MKLN1: variants seen among roughly 807,000 people sequenced by gnomAD.
The protein encoded by MKLN1 is muskelin.
MKLN1 carries 18 observed loss-of-function variants against 99.0 expected under a neutral mutation model. That is an observed-to-expected ratio of 0.18 (90% CI 0.13 to 0.27). The LOEUF (loss-of-function observed/expected upper bound fraction) is 0.27. MKLN1 is among the 10% of genes least tolerant of loss of function. MKLN1 has a pLI of 1.00. For missense variants in MKLN1, 621 were observed against 875.9 expected, an observed-to-expected ratio of 0.71 and a Z score of 3.67; for synonymous variants, 288 against 293.2, an observed-to-expected ratio of 0.98 and a Z score of 0.18.
At chr7:131,111,584 G>A (rs1795200508) in intron 1 of MKLN1, among the ~76,000 whole-genome samples, 1 of 151,960 alleles carries the variant, frequency 6.6e-6, no homozygotes, top group South Asian at 2.1e-4. Context: ...TAATTCCTGT[G>A]GAAAACGTCA....
rs201094436 is a variant in MKLN1, at chr7:131,327,882, C to A, written c.-18C>A. 2.7e-5 allele frequency: 44 copies of A among 1,609,302 alleles called. No individual in the cohort carries two copies. In the African/African-American group the frequency reaches 4.0e-4, roughly 15 times the overall value. ...TTCGCTGCCAGCGGTCGGTGGCGGC[C>A]GCTACGGTGCTGACAAGATGGCGGC... On this transcript the variant is annotated 5_prime_UTR_variant, in exon 1 of 18. Transcript: ENST00000352689.
At chr7:131,163,233 A>C (rs567298755) in intron 2 of MKLN1, among the ~76,000 whole-genome samples, 2 of 152,350 alleles carry the variant, frequency 1.3e-5, no homozygotes, top group African/African-American at 4.8e-5. Context: ...TCATATCTTC[A>C]TTGTAGAGCA....
At chr7:131,338,270 C>T (rs1049642969) in intron 1 of MKLN1, among the ~76,000 whole-genome samples, 1 of 152,228 alleles carries the variant, frequency 6.6e-6, no homozygotes, top group Admixed American at 6.5e-5. Flanking sequence ...TCTGTGCCTT[C>T]TTTCACTAGG....
chr7:131,357,030 T>C (rs1283388198), intron 1 of MKLN1, among the ~76,000 whole-genome samples: 7 of 152,202 alleles, frequency 4.6e-5, no homozygotes, highest in Non-Finnish European at 1.0e-4. Flanking sequence ...AGAAACCAAG[T>C]GCCAGTTACC....
At chr7:131,122,879 C>T (rs1795394491) in intron 1 of MKLN1, among the ~76,000 whole-genome samples, 2 of 151,936 alleles carry the variant, frequency 1.3e-5, no homozygotes, top group African/African-American at 4.8e-5. Flanking sequence ...AAAAATTAGC[C>T]GGGTGTGGTG....
At chr7:131,391,540 A>C (rs1274038208) in intron 4 of MKLN1, among the ~76,000 whole-genome samples, 1 of 152,260 alleles carries the variant, frequency 6.6e-6, no homozygotes, top group Non-Finnish European at 1.5e-5. Flanking sequence ...CAAGGAAAAT[A>C]GCCCACATTT....
At chr7:131,360,469 T>C (rs1433926249) in intron 1 of MKLN1, among the ~76,000 whole-genome samples, 2 of 152,196 alleles carry the variant, frequency 1.3e-5, no homozygotes, top group African/African-American at 4.8e-5. Context: ...TTAACTTGTT[T>C]TTAGTGGTTG....
chr7:131,370,161 T>G (rs1800303078), intron 1 of MKLN1, among the ~76,000 whole-genome samples: 1 of 152,190 alleles, frequency 6.6e-6, no homozygotes, highest in East Asian at 1.9e-4. Context: ...TGTATGATAT[T>G]AGACAGGAGT....
chr7:131,236,081 T>C (rs147835890), intron 3 of MKLN1, among the ~76,000 whole-genome samples: 1 of 152,362 alleles, frequency 6.6e-6, no homozygotes, highest in East Asian at 1.9e-4. Flanking sequence ...GATTGAGGGC[T>C]GTCAGGCAGA....
In MKLN1 at chr7:131,466,308, A is replaced by G. The variant is rs1320504772; in HGVS notation, c.1821A>G (p.Lys607=). The part of the protein sequence containing the change: ...VHYLFGGNPG[K]SCSPKMRLDD... ...ACTTATTTGGTGGGAATCCAGGAAA[A>G]TCTTGCTCTCCAAAGATGAGATTAG... Residue 607 remains lysine, a synonymous_variant, in exon 15 of 18, where the codon AAA becomes AAG. Coordinates refer to ENST00000352689, the MANE Select transcript of MKLN1 (RefSeq NM_013255.5). 1.0e-5 allele frequency: 16 copies of G among 1,604,390 alleles called. No individual in the cohort carries two copies. The highest frequency in any genetic ancestry group is 1.4e-5 in the Non-Finnish European group (16 of 1,173,994).
chr7:131,399,178 T>C (rs568164742), intron 5 of MKLN1, 63 bp from the exon 6 acceptor site: 31 of 1,374,980 alleles, frequency 2.3e-5, no homozygotes, highest in African/African-American at 1.4e-4. Context: ...ACTGTTGTTA[T>C]TGTTTCCTAC....
intron 1 of MKLN1, among the ~76,000 whole-genome samples, chr7:131,373,316 G>A (rs921650783): frequency 9.2e-5 from 14 of 151,694 alleles, no homozygotes; most frequent in African/African-American, 2.9e-4. Context: ...TTTTTTGTCC[G>A]TTTTCATATG....
chr7:131,243,445 T>G (rs1797438147), intron 3 of MKLN1, among the ~76,000 whole-genome samples: 1 of 152,184 alleles, frequency 6.6e-6, no homozygotes, highest in Admixed American at 6.5e-5. Context: ...CAACACATGA[T>G]TTTTCTTACC....
At chr7:131,189,951 G>A (rs1269575446) in intron 2 of MKLN1, among the ~76,000 whole-genome samples, 1 of 152,138 alleles carries the variant, frequency 6.6e-6, no homozygotes, top group African/African-American at 2.4e-5. Context: ...TCCAAAATTT[G>A]AGTGCAGAAA....
intron 3 of MKLN1, among the ~76,000 whole-genome samples, chr7:131,258,839 G>C (rs1216556838): frequency 1.3e-5 from 2 of 152,156 alleles, no homozygotes; most frequent in African/African-American, 4.8e-5. Flanking sequence ...GATACAACCT[G>C]GTGGTCTGCT....
At chr7:131,311,711 A>G (rs563154850) in intron 3 of MKLN1, among the ~76,000 whole-genome samples, 3 of 152,320 alleles carry the variant, frequency 2.0e-5, no homozygotes, top group African/African-American at 4.8e-5. Flanking sequence ...CCAAAGTGAT[A>G]ATTCAAAGAT....
intron 3 of MKLN1, among the ~76,000 whole-genome samples, chr7:131,245,519 C>T (rs976349239): frequency 7.2e-5 from 11 of 152,256 alleles, no homozygotes; most frequent in Non-Finnish European, 1.0e-4. Context: ...CCGCGCCCCC[C>T]GCCCCCGGCC....
intron 9 of MKLN1, among the ~76,000 whole-genome samples, chr7:131,430,800 CACCTAT>C (rs1389863417): frequency 2.0e-5 from 3 of 152,166 alleles, no homozygotes; most frequent in African/African-American, 7.2e-5. Context: ...TGGTGGCTCA[CACCTAT>C]AATCACAGTA....
chr7:131,478,183 T>C (rs893710252), intron 16 of MKLN1, among the ~76,000 whole-genome samples: 9 of 152,234 alleles, frequency 5.9e-5, no homozygotes, highest in African/African-American at 2.2e-4. Flanking sequence ...GATTTTGATT[T>C]ACACAGCTGA....
Sources: allele counts gnomAD v4.1 joint callset (sites outside exome capture counted in the v4.1 genomes callset), GRCh38; gene constraint gnomAD v4.1.1; transcripts MANE v1.5; gene names NCBI Gene and HGNC (gene_info 2026-07-23, HGNC 2026-07-21).